Variants in AKT3 observed in about 807,000 individuals in gnomAD.
The protein encoded by AKT3 is AKT serine/threonine kinase 3.
AKT3 carries 15 observed loss-of-function variants against 65.3 expected under a neutral mutation model. That is an observed-to-expected ratio of 0.23 (90% confidence interval 0.15 to 0.35). The LOEUF is 0.35. Among genes scored for constraint, AKT3 ranks in the 10% least tolerant of loss-of-function variants. AKT3 has a pLI of 1.00. For synonymous variants in AKT3, 206 were observed against 183.8 expected, an observed-to-expected ratio of 1.12 and a Z score of -0.98; for missense variants, 243 against 576.5, an observed-to-expected ratio of 0.42 and a Z score of 5.92.
At chr1:243,725,398 T>C (rs1687150878) in intron 2 of AKT3, among the ~76,000 whole-genome samples, 2 of 152,112 alleles carry the variant, frequency 1.3e-5, no homozygotes. Flanking sequence ...AGTGAAGTAT[T>C]CCATGGGGGC....
At chr1:243,594,141 T>C (rs1165621770) in intron 8 of AKT3, among the ~76,000 whole-genome samples, 1 of 152,200 alleles carries the variant, frequency 6.6e-6, no homozygotes, top group African/African-American at 2.4e-5. Flanking sequence ...ACCAACTATA[T>C]TCTTATATGC....
chr1:243,675,671 C>A (rs1337565290), intron 3 of AKT3, among the ~76,000 whole-genome samples: 1 of 152,228 alleles, frequency 6.6e-6, no homozygotes, highest in Admixed American at 6.5e-5. Context: ...CACTCTACTG[C>A]AGTCTCCTTT....
At position 243,507,875 on chromosome 1, in the gene AKT3, C is replaced by T. The variant is rs140008516; in HGVS notation, c.1355-2541G>A. Among the ~76,000 whole-genome samples, 8 of 152,326 alleles carry T rather than the reference C, an allele frequency of 5.3e-5. No individual in the cohort carries two copies. In the East Asian group the frequency reaches 1.5e-3, roughly 29 times the overall value. ...TCAATGGCGATAACGAAAGATGACA[C>T]ATTCCCAAATCTGTTCCATTATTAA... On this transcript the variant is annotated intron_variant, in intron 13 of 13. Coordinates refer to ENST00000673466, the MANE Select transcript of AKT3 (RefSeq NM_005465.7).
At chr1:243,580,826 T>C (rs1191561522) in intron 8 of AKT3, among the ~76,000 whole-genome samples, 1 of 152,098 alleles carries the variant, frequency 6.6e-6, no homozygotes, top group East Asian at 1.9e-4. Flanking sequence ...AGAGTAACCA[T>C]TTGCCTAGTT....
chr1:243,576,541 G>A (rs1050709568), intron 8 of AKT3, among the ~76,000 whole-genome samples: 2 of 152,278 alleles, frequency 1.3e-5, no homozygotes, highest in East Asian at 3.9e-4. Flanking sequence ...AAAGGCTCAG[G>A]ATAGAAAATC....
At chr1:243,615,690 C>G (rs1430660819) in intron 6 of AKT3, among the ~76,000 whole-genome samples, 2 of 152,114 alleles carry the variant, frequency 1.3e-5, no homozygotes, top group East Asian at 3.9e-4. Flanking sequence ...TAGAAAGGAA[C>G]AGAGTATAAA....
chr1:243,532,147 G>A (rs993660045), intron 12 of AKT3, among the ~76,000 whole-genome samples: 7 of 152,120 alleles, frequency 4.6e-5, no homozygotes, highest in Non-Finnish European at 1.0e-4. Context: ...CCAGTGTCAC[G>A]TTAACAGAAA....
rs565208696 is a variant in AKT3, at chr1:243,752,860, G to A, written c.47-57144C>T. Among the ~76,000 whole-genome samples, 3 of 152,318 alleles carry A rather than the reference G, an allele frequency of 2.0e-5. No homozygotes were observed. The South Asian group carries it at 6.2e-4, about 32-fold the overall frequency. ...AGCTCTAATTCTAGGCTCTTGGGAT[G>A]AAAGTGTGGGGGGAAAGGAAGTTAA... On this transcript the variant is annotated intron_variant, in intron 2 of 13. Transcript: ENST00000673466.
intron 13 of AKT3, among the ~76,000 whole-genome samples, chr1:243,492,166 G>C (rs1050786669): frequency 4.0e-5 from 6 of 151,848 alleles, no homozygotes; most frequent in African/African-American, 1.2e-4. Flanking sequence ...GGCAGAGGGA[G>C]CCCCTGGTAG....
intron 10 of AKT3, among the ~76,000 whole-genome samples, chr1:243,559,536 A>T (rs2148479675): frequency 6.6e-6 from 1 of 152,290 alleles, no homozygotes; most frequent in Admixed American, 6.5e-5. Context: ...CTTAAAACTC[A>T]AGTTTATTTT....
intron 3 of AKT3, among the ~76,000 whole-genome samples, chr1:243,677,163 T>G (rs1269751391): frequency 6.6e-6 from 1 of 152,238 alleles, no homozygotes; most frequent in East Asian, 1.9e-4. Flanking sequence ...CTTCAGGATT[T>G]AACAACTCAT....
chr1:243,593,485 G>A (rs1488878342), intron 8 of AKT3, among the ~76,000 whole-genome samples: 5 of 152,114 alleles, frequency 3.3e-5, no homozygotes, highest in Admixed American at 2.6e-4. Context: ...GTAAGAGTTC[G>A]AGAGCAATCT....
In AKT3 at chr1:243,621,528, C is replaced by T. The variant is rs146579905; in HGVS notation, c.562-6367G>A. Among the ~76,000 whole-genome samples the T allele has an allele frequency of 8.4e-3, 1,283 of 152,266 alleles. 13 individuals are homozygous for T. The highest frequency in any genetic ancestry group is 0.029 in the African/African-American group (1,223 of 41,542). ...ACACTCTTCCTTTGGTAAACTCATT[C>T]AGACTATGGCTCTAATACAGGATAT... On this transcript the variant is annotated intron_variant, in intron 6 of 13. Transcript: ENST00000673466.
intron 2 of AKT3, among the ~76,000 whole-genome samples, chr1:243,825,828 C>CT (rs1224454227): frequency 3.3e-5 from 5 of 151,940 alleles, no homozygotes; most frequent in East Asian, 1.9e-4. Context: ...CCAAAACTAT[C>CT]TTTTTTTTAA....
chr1:243,503,152 T>C lies in AKT3; in HGVS notation c.*2097A>G, dbSNP rs1201699907. On this transcript the variant is annotated 3_prime_UTR_variant, in exon 14 of 14. Coordinates refer to ENST00000673466, the MANE Select transcript of AKT3 (RefSeq NM_005465.7). ...TAAGTAAGAATGAACTACCATTTAC[T>C]GTAACTTCCTACTCAATACTAAGGA... 4.3e-6 allele frequency: 1 copy of C among 233,576 alleles called. No homozygotes were observed. The highest frequency in any genetic ancestry group is 2.2e-5 in the African/African-American group (1 of 45,340). 14.5% of individuals were successfully genotyped at this position (233,576 alleles called of 1,614,324 possible). A position where few individuals can be genotyped will look rare whatever the true frequency, so the allele number is the denominator to read the frequency against.
intron 12 of AKT3, among the ~76,000 whole-genome samples, chr1:243,521,419 T>C (rs1262940153): frequency 1.3e-5 from 2 of 152,330 alleles, no homozygotes; most frequent in Middle Eastern, 6.8e-3. Context: ...CTTCACGCTT[T>C]GTGTATATGT....
At chr1:243,774,141 A>C (rs1469014497) in intron 2 of AKT3, among the ~76,000 whole-genome samples, 1 of 152,228 alleles carries the variant, frequency 6.6e-6, no homozygotes, top group Non-Finnish European at 1.5e-5. Context: ...CTAACAGAAT[A>C]AGCTCTACAT....
At chr1:243,767,097 C>G (rs57824597) in intron 2 of AKT3, among the ~76,000 whole-genome samples, 2 of 151,794 alleles carry the variant, frequency 1.3e-5, no homozygotes, top group African/African-American at 4.8e-5. Context: ...AGCAGAAGAG[C>G]TAAGAATTTG....
intron 8 of AKT3, among the ~76,000 whole-genome samples, chr1:243,578,628 T>C (rs532903373): frequency 9.9e-5 from 15 of 152,214 alleles, no homozygotes; most frequent in African/African-American, 3.6e-4. Context: ...CAAACCACCA[T>C]GGCACACATT....
Sources: allele counts gnomAD v4.1 joint callset (sites outside exome capture counted in the v4.1 genomes callset), GRCh38; gene constraint gnomAD v4.1.1; transcripts MANE v1.5; gene names NCBI Gene and HGNC (gene_info 2026-07-23, HGNC 2026-07-21).